The following ADGRL3 variants were observed in gnomAD, a reference collection of about 807,000 sequenced individuals.
ADGRL3 encodes the protein adhesion G protein-coupled receptor L3.
Under a neutral mutation model 153.5 loss-of-function variants are expected in ADGRL3, and 62 were observed. The ratio of observed to expected loss-of-function variants is 0.40; its 90% confidence interval spans 0.33 to 0.50. The LOEUF is 0.50. Ranked by LOEUF, ADGRL3 falls within the 20% of genes least tolerant of loss-of-function variation. The pLI, the probability that ADGRL3 is intolerant of heterozygous loss-of-function variation, is 0.47. For missense variants in ADGRL3, 1,641 were observed against 1,859.4 expected, an observed-to-expected ratio of 0.88 and a Z score of 2.16; for synonymous variants, 710 against 672.5, an observed-to-expected ratio of 1.06 and a Z score of -0.86.
At chr4:61,319,420 A>G (rs138453607) in intron 1 of ADGRL3, among the ~76,000 whole-genome samples, 1 of 152,304 alleles carries the variant, frequency 6.6e-6, no homozygotes, top group African/African-American at 2.4e-5. Flanking sequence ...GAACATTTAT[A>G]TGTTTATAGT....
At chr4:61,428,537 A>G (rs2097309863) in intron 2 of ADGRL3, among the ~76,000 whole-genome samples, 1 of 152,228 alleles carries the variant, frequency 6.6e-6, no homozygotes. Flanking sequence ...ATTAGTTTAT[A>G]TTCAAATATT....
At chr4:61,833,552 G>C (rs1210395760) in intron 9 of ADGRL3, among the ~76,000 whole-genome samples, 3 of 152,098 alleles carry the variant, frequency 2.0e-5, no homozygotes. Context: ...GTCAATTCCT[G>C]GGTGGGGGCC....
At chr4:61,253,671 CTTTG>C (rs1413664649) in intron 1 of ADGRL3, among the ~76,000 whole-genome samples, 10 of 144,296 alleles carry the variant, frequency 6.9e-5, no homozygotes, top group South Asian at 2.3e-4. Flanking sequence ...ATGTGCACAA[CTTTG>C]TTTGTATGTT....
intron 1 of ADGRL3, among the ~76,000 whole-genome samples, chr4:61,318,334 C>A (rs1176099422): frequency 1.3e-5 from 2 of 151,746 alleles, no homozygotes; most frequent in Non-Finnish European, 1.5e-5. Flanking sequence ...CAGCACTGGA[C>A]AAGAAGACTC....
chr4:61,392,684 C>CAAAAA (rs397993633), intron 2 of ADGRL3, among the ~76,000 whole-genome samples: 348 of 13,382 alleles, frequency 0.026, 39 homozygotes, highest in African/African-American at 0.043. Flanking sequence ...GACTCCATCT[C>CAAAAA]AAAAAAAAAA....
chr4:61,364,470 G>A (rs1475772691), intron 1 of ADGRL3, among the ~76,000 whole-genome samples: 1 of 151,820 alleles, frequency 6.6e-6, no homozygotes, highest in East Asian at 1.9e-4. Flanking sequence ...AAAACATATT[G>A]TACTTCTTCA....
intron 8 of ADGRL3, among the ~76,000 whole-genome samples, chr4:61,785,610 T>C (rs529496544): frequency 6.6e-6 from 1 of 152,304 alleles, no homozygotes; most frequent in African/African-American, 2.4e-5. Flanking sequence ...CAGGAGCTCT[T>C]CTTCCACAGA....
chr4:61,744,491 C>G (rs1436602722), intron 8 of ADGRL3, among the ~76,000 whole-genome samples: 1 of 152,122 alleles, frequency 6.6e-6, no homozygotes, highest in African/African-American at 2.4e-5. Flanking sequence ...ACACCTCACA[C>G]CGCCGGGTAC....
At chr4:61,615,968 C>G (rs897580374) in intron 5 of ADGRL3, among the ~76,000 whole-genome samples, 1 of 152,018 alleles carries the variant, frequency 6.6e-6, no homozygotes, top group African/African-American at 2.4e-5. Flanking sequence ...TTGCCTCTCA[C>G]AGTCTAAGAA....
chr4:61,216,280 T>C (rs1380496167), intron 1 of ADGRL3, among the ~76,000 whole-genome samples: 1 of 152,160 alleles, frequency 6.6e-6, no homozygotes, highest in East Asian at 1.9e-4. Context: ...CTGATATATT[T>C]TTATCATATT....
chr4:62,071,765 C>G lies in ADGRL3; in HGVS notation c.*857C>G, dbSNP rs1030254351. 5.0e-6 allele frequency: 2 copies of G among 400,888 alleles called. No homozygotes were observed. Among genetic ancestry groups the G allele is most frequent in the African/African-American group, 2.2e-5 (1 of 46,496 alleles). 24.8% of individuals were successfully genotyped at this position (400,888 alleles called of 1,614,324 possible). On this transcript the variant is annotated 3_prime_UTR_variant, in exon 27 of 27. Coordinates refer to ENST00000683033, the MANE Select transcript of ADGRL3 (RefSeq NM_001387552.1). ...CTTTTTTTCTTTTTTGCCTTTTATTCCTTTAAAATTTCGCCTGGCAAAAAA... is the reference window on the plus strand; with the variant it reads ...CTTTTTTTCTTTTTTGCCTTTTATTGCTTTAAAATTTCGCCTGGCAAAAAA...
At chr4:62,045,626 GTTA>G (rs1730710544) in intron 25 of ADGRL3, among the ~76,000 whole-genome samples, 5 of 151,908 alleles carry the variant, frequency 3.3e-5, no homozygotes, top group Admixed American at 6.6e-5. Context: ...ATATGAAGAA[GTTA>G]GAACGGGCAG....
chr4:61,538,336 A>G (rs2098669762), intron 4 of ADGRL3, among the ~76,000 whole-genome samples: 1 of 152,100 alleles, frequency 6.6e-6, no homozygotes, highest in Admixed American at 6.6e-5. Context: ...GTGTGAGTTG[A>G]CACACCATCT....
chr4:61,670,227 G>A (rs1463669559), intron 5 of ADGRL3, among the ~76,000 whole-genome samples: 1 of 152,086 alleles, frequency 6.6e-6, no homozygotes, highest in Non-Finnish European at 1.5e-5. Context: ...CCAGGAGTTG[G>A]AGGTTGCAGT....
intron 2 of ADGRL3, among the ~76,000 whole-genome samples, chr4:61,438,299 C>T (rs2152453008): frequency 6.6e-6 from 1 of 151,856 alleles, no homozygotes; most frequent in Admixed American, 6.6e-5. Context: ...ATCACTCTAT[C>T]ACTTTCACAT....
rs981716250 is a variant in ADGRL3 at position 61,294,504 on chromosome 4, C to T, written c.-239-88620C>T. On this transcript the variant is annotated intron_variant, in intron 1 of 26. Coordinates refer to ENST00000683033, the MANE Select transcript of ADGRL3 (RefSeq NM_001387552.1). ...TTAGGCTGGGTTTATTGGGACCAAA[C>T]CCTATTATAAGTCGAGGACTATCTG... Among the ~76,000 whole-genome samples the T allele has an allele frequency of 3.3e-5, 5 of 152,146 alleles. No homozygotes were observed. The South Asian group carries it at 1.0e-3, about 32-fold the overall frequency.
At chr4:61,720,418 C>T (rs2096220936) in intron 6 of ADGRL3, among the ~76,000 whole-genome samples, 1 of 152,108 alleles carries the variant, frequency 6.6e-6, no homozygotes, top group African/African-American at 2.4e-5. Context: ...TAAGTTATTC[C>T]TAGTTACTGA....
At chr4:61,396,644 C>T (rs2096871987) in intron 2 of ADGRL3, among the ~76,000 whole-genome samples, 1 of 151,892 alleles carries the variant, frequency 6.6e-6, no homozygotes, top group Admixed American at 6.6e-5. Context: ...TTGACTTTCC[C>T]AATCACTACC....
At chr4:61,638,142 T>C (rs2150123622) in intron 5 of ADGRL3, among the ~76,000 whole-genome samples, 1 of 152,300 alleles carries the variant, frequency 6.6e-6, no homozygotes, top group South Asian at 2.1e-4. Context: ...GTAGCTTAGA[T>C]GTTCATCCAT....
Sources: allele counts gnomAD v4.1 joint callset (sites outside exome capture counted in the v4.1 genomes callset), GRCh38; gene constraint gnomAD v4.1.1; transcripts MANE v1.5; gene names NCBI Gene and HGNC (gene_info 2026-07-23, HGNC 2026-07-21).